Variants in MAPK8 observed in about 807,000 individuals in gnomAD.
The protein encoded by MAPK8 is mitogen-activated protein kinase 8.
Under a neutral mutation model 52.9 loss-of-function variants are expected in MAPK8, and 13 were observed. The observed-to-expected ratio is 0.25, with a 90% CI of 0.16 to 0.39. The LOEUF (loss-of-function observed/expected upper bound fraction) is 0.39, where lower values mean the gene tolerates loss of function less well. Ranked by LOEUF, MAPK8 falls within the 10% of genes least tolerant of loss-of-function variation. MAPK8 has a pLI of 1.00. For synonymous variants in MAPK8, 191 were observed against 169.8 expected, an observed-to-expected ratio of 1.12 and a Z score of -0.97; for missense variants, 300 against 519.2, an observed-to-expected ratio of 0.58 and a Z score of 4.10.
At chr10:48,353,706 T>C (rs1367462289) in intron 1 of MAPK8, among the ~76,000 whole-genome samples, 1 of 152,218 alleles carries the variant, frequency 6.6e-6, no homozygotes, top group Admixed American at 6.5e-5. Context: ...GGGAATGTGA[T>C]GTATATGCAA....
intron 7 of MAPK8, 84 bp downstream of exon 7, chr10:48,424,243 A>G (rs1308852437): frequency 6.4e-6 from 8 of 1,248,996 alleles, no homozygotes; most frequent in Non-Finnish European, 9.3e-6. Context: ...TGCTACATTT[A>G]CACAGATGGG....
At chr10:48,343,397 A>G (rs916010847) in intron 1 of MAPK8, among the ~76,000 whole-genome samples, 1 of 152,136 alleles carries the variant, frequency 6.6e-6, no homozygotes, top group Non-Finnish European at 1.5e-5. Flanking sequence ...CTGTAATGAC[A>G]TTTAGGGCCC....
At chr10:48,313,242 G>A (rs990204334) in intron 1 of MAPK8, among the ~76,000 whole-genome samples, 1 of 152,156 alleles carries the variant, frequency 6.6e-6, no homozygotes, top group African/African-American at 2.4e-5. Context: ...AGACCAGCTT[G>A]GCCAACATAG....
At chr10:48,358,924 G>T (rs887909769) in intron 1 of MAPK8, among the ~76,000 whole-genome samples, 1 of 152,056 alleles carries the variant, frequency 6.6e-6, no homozygotes, top group Non-Finnish European at 1.5e-5. Context: ...TGATATATGG[G>T]TTTACTTCGG....
chr10:48,366,361 C>CT (rs1848039362), intron 1 of MAPK8, among the ~76,000 whole-genome samples: 1 of 152,146 alleles, frequency 6.6e-6, no homozygotes, highest in Non-Finnish European at 1.5e-5. Flanking sequence ...AATACTACCA[C>CT]TTACAACTGG....
chr10:48,356,949 A>C (rs1217541969), intron 1 of MAPK8, among the ~76,000 whole-genome samples: 1 of 151,788 alleles, frequency 6.6e-6, no homozygotes, highest in Non-Finnish European at 1.5e-5. Context: ...AAAGGATGGA[A>C]AAAAGATATA....
intron 5 of MAPK8, among the ~76,000 whole-genome samples, chr10:48,415,554 A>C (rs1019172539): frequency 6.6e-6 from 1 of 152,254 alleles, no homozygotes; most frequent in African/African-American, 2.4e-5. Context: ...GCGTATTTCC[A>C]TAACACAAAC....
rs138582971 is a variant in MAPK8 at position 48,439,013 on chromosome 10, G to C, written c.*3984G>C. The C allele has an allele frequency of 6.6e-6, 1 of 152,064 alleles. No homozygotes were observed. The highest frequency in any genetic ancestry group is 2.1e-4 in the South Asian group (1 of 4,818). 9.4% of individuals were successfully genotyped at this position (152,064 alleles called of 1,614,324 possible). A position where few individuals can be genotyped will look rare whatever the true frequency, so the allele number is the denominator to read the frequency against. ...GAATAATGAAGTTAGACTGAATTAC[G>C]TGTCTCCCTGGACTGTGACATCTAT... On this transcript the variant is annotated 3_prime_UTR_variant, in exon 12 of 12. Transcript: ENST00000374189.
At chr10:48,336,349 C>T (rs984268780) in intron 1 of MAPK8, among the ~76,000 whole-genome samples, 1 of 152,022 alleles carries the variant, frequency 6.6e-6, no homozygotes, top group Non-Finnish European at 1.5e-5. Flanking sequence ...AAAACAGCTA[C>T]GTATTTATTA....
At position 48,349,660 on chromosome 10, in the gene MAPK8, A is replaced by C. The variant is rs562386015; in HGVS notation, c.-50+42839A>C. Among the ~76,000 whole-genome samples, 9 of 152,328 alleles carry C rather than the reference A, an allele frequency of 5.9e-5. 1 individual carries two copies. The East Asian group carries it at 1.7e-3, about 29-fold the overall frequency. ...ATTTATAGCACTAAATGCCCACAGG[A>C]GAAAGCAGGAAAGATCTAAAATCGA... On this transcript the variant is annotated intron_variant, in intron 1 of 11. Coordinates refer to ENST00000374189, the MANE Select transcript of MAPK8 (RefSeq NM_001323329.2).
intron 5 of MAPK8, among the ~76,000 whole-genome samples, chr10:48,412,963 A>G (rs373834426): frequency 2.3e-4 from 35 of 152,024 alleles, no homozygotes; most frequent in African/African-American, 8.0e-4. Flanking sequence ...TCTCCCCGCA[A>G]CCCCCGACAG....
chr10:48,395,101 C>T (rs2041823995), intron 1 of MAPK8, among the ~76,000 whole-genome samples: 1 of 151,814 alleles, frequency 6.6e-6, no homozygotes, highest in Non-Finnish European at 1.5e-5. Flanking sequence ...TGATGTATAC[C>T]ATAAATGCAA....
At chr10:48,424,622 G>A in intron 7 of MAPK8, 1 of 1,414,950 alleles carries the variant, frequency 7.1e-7, no homozygotes, top group Non-Finnish European at 9.7e-7. Flanking sequence ...AGTTTCTAAA[G>A]GTCAAAATGT....
intron 1 of MAPK8, among the ~76,000 whole-genome samples, chr10:48,371,339 C>T (rs534078838): frequency 6.6e-6 from 1 of 152,174 alleles, no homozygotes; most frequent in South Asian, 2.1e-4. Flanking sequence ...TGGTTGGGCC[C>T]TTTCAAGTGC....
intron 1 of MAPK8, among the ~76,000 whole-genome samples, chr10:48,354,792 C>T (rs1365746652): frequency 6.7e-6 from 1 of 149,098 alleles, no homozygotes; most frequent in Admixed American, 6.7e-5. Flanking sequence ...TGTAGGTGAT[C>T]TAAAAAAAAA....
In MAPK8 at chr10:48,313,956, G is replaced by A. The variant is rs151304472; in HGVS notation, c.-50+7135G>A. Among the ~76,000 whole-genome samples the A allele has an allele frequency of 1.2e-3, 177 of 152,082 alleles. 1 individual carries two copies. Among genetic ancestry groups the A allele is most frequent in the African/African-American group, 3.8e-3 (158 of 41,490 alleles). On this transcript the variant is annotated intron_variant, in intron 1 of 11. Coordinates refer to ENST00000374189, the MANE Select transcript of MAPK8 (RefSeq NM_001323329.2). ...GGATTACGGGTGTGAGCCACCGCACGTGGCCTGCTTTTTGTTTTAATATAG... is the reference window on the plus strand; with the variant it reads ...GGATTACGGGTGTGAGCCACCGCACATGGCCTGCTTTTTGTTTTAATATAG...
intron 1 of MAPK8, among the ~76,000 whole-genome samples, chr10:48,376,233 T>A (rs535934600): frequency 2.7e-4 from 41 of 152,192 alleles, no homozygotes; most frequent in African/African-American, 9.6e-4. Flanking sequence ...ATACAAAAAT[T>A]AACTCAAGAT....
chr10:48,424,736 C>A (rs138306840), intron 7 of MAPK8: 92 of 470,916 alleles, frequency 2.0e-4, no homozygotes, highest in African/African-American at 1.7e-3. Context: ...TAGACTTTTC[C>A]TTCCGTTATT....
chr10:48,311,607 A>G (rs1204719059), intron 1 of MAPK8, among the ~76,000 whole-genome samples: 2 of 152,220 alleles, frequency 1.3e-5, no homozygotes, highest in Admixed American at 1.3e-4. Flanking sequence ...ATGCTGTCAC[A>G]TCTTTTAAAT....
Sources: allele counts gnomAD v4.1 joint callset (sites outside exome capture counted in the v4.1 genomes callset), GRCh38; gene constraint gnomAD v4.1.1; transcripts MANE v1.5; gene names NCBI Gene and HGNC (gene_info 2026-07-23, HGNC 2026-07-21).